Variants in USP46 observed in about 807,000 individuals in gnomAD.
USP46 encodes ubiquitin specific peptidase 46.
Under a neutral mutation model 44.4 loss-of-function variants are expected in USP46, and 12 were observed. The observed-to-expected ratio is 0.27, with a 90% CI of 0.17 to 0.44. The LOEUF is 0.44. Among genes scored for constraint, USP46 ranks in the 20% least tolerant of loss-of-function variants. The probability of loss-of-function intolerance (pLI) is 1.00; values close to 1 mark genes in which losing one functional copy is unlikely to be tolerated. For missense variants in USP46, 248 were observed against 444.8 expected (o/e 0.56, Z 3.98); for synonymous variants, 155 against 161.5 (o/e 0.96, Z 0.31).
intron 6 of USP46, among the ~76,000 whole-genome samples, 165 bp downstream of exon 6, chr4:52,604,336 C>T (rs1329819313): frequency 6.6e-6 from 1 of 152,178 alleles, no homozygotes; most frequent in African/African-American, 2.4e-5. Flanking sequence ...CCAAGGTCAG[C>T]GTTCTTATCC....
At position 52,604,483 on chromosome 4, in the gene USP46, A is replaced by G. The variant is rs1444895967; in HGVS notation, c.722+18T>C. ...TTCTCACCACACAAAGATAACCCTGAGCTAAATCTTTACCTACCTTTTCTG... is the reference window on the plus strand; with the variant it reads ...TTCTCACCACACAAAGATAACCCTGGGCTAAATCTTTACCTACCTTTTCTG... On this transcript the variant is annotated intron_variant, in intron 6 of 8. Coordinates refer to ENST00000441222, the MANE Select transcript of USP46 (RefSeq NM_022832.4). The G allele has an allele frequency of 6.2e-7, 1 of 1,605,630 alleles. No individual in the cohort carries two copies. Among genetic ancestry groups the G allele is most frequent in the East Asian group, 2.2e-5 (1 of 44,636 alleles).
At chr4:52,611,289 G>A (rs1488792684) in intron 4 of USP46, among the ~76,000 whole-genome samples, 3 of 152,164 alleles carry the variant, frequency 2.0e-5, no homozygotes, top group Admixed American at 6.5e-5. Context: ...GAGCCGGTTC[G>A]GTGGCCCCAG....
chr4:52,612,420 G>T (rs1426352798), intron 4 of USP46, among the ~76,000 whole-genome samples: 1 of 152,148 alleles, frequency 6.6e-6, no homozygotes, highest in Admixed American at 6.5e-5. Context: ...TGGCTTCACA[G>T]ATACTCTCAT....
In USP46 at chr4:52,595,060, TA is replaced by T. The variant is rs1716171785; in HGVS notation, c.*2579del. The T allele has an allele frequency of 6.6e-6, 1 of 152,524 alleles. No individual in the cohort carries two copies. The highest frequency in any genetic ancestry group is 1.5e-5 in the Non-Finnish European group (1 of 68,028). The allele number at this position is 152,524 out of a possible 1,614,324, so 9.4% of individuals were successfully genotyped here. A position where few individuals can be genotyped will look rare whatever the true frequency, so the allele number is the denominator to read the frequency against. ...TTTTTTTTTAAAGTGTAAAACATTG[TA>T]ACTTATTTTGTAACACCCAGCAGTT... is the stretch of plus-strand genomic sequence containing the variant. On this transcript the variant is annotated 3_prime_UTR_variant, in exon 9 of 9. Transcript: ENST00000441222.
At chr4:52,651,778 A>G (rs1718778182) in intron 1 of USP46, among the ~76,000 whole-genome samples, 1 of 152,188 alleles carries the variant, frequency 6.6e-6, no homozygotes, top group Non-Finnish European at 1.5e-5. Flanking sequence ...ACTAAAGCCA[A>G]TGTCAATTAA....
Position 52,593,794 on chromosome 4 carries a change from A to G in USP46, c.*3846T>C, listed in dbSNP as rs1364594693. 2.0e-5 allele frequency: 3 copies of G among 152,258 alleles called. No homozygotes were observed. Among genetic ancestry groups the G allele is most frequent in the African/African-American group, 7.2e-5 (3 of 41,478 alleles). The allele number at this position is 152,258 out of a possible 1,614,324, so 9.4% of individuals were successfully genotyped here. A position where few individuals can be genotyped will look rare whatever the true frequency, so the allele number is the denominator to read the frequency against. On this transcript the variant is annotated 3_prime_UTR_variant, in exon 9 of 9. Transcript: ENST00000441222. ...ATTTGGGGAATGGATCTTTCATTTC[A>G]TAACTGGTTAAAAGGATTTTATATG...
At chr4:52,626,750 A>C (rs761166622) in intron 3 of USP46, among the ~76,000 whole-genome samples, 9 of 152,178 alleles carry the variant, frequency 5.9e-5, no homozygotes, top group Non-Finnish European at 1.3e-4. Context: ...TCTGCCATGC[A>C]CCAAGAACAA....
chr4:52,657,316 G>A (rs554773936), intron 1 of USP46, among the ~76,000 whole-genome samples: 59 of 151,880 alleles, frequency 3.9e-4, no homozygotes, highest in African/African-American at 1.4e-3. Flanking sequence ...ACTGAAACAC[G>A]TTGTGACATT....
intron 1 of USP46, among the ~76,000 whole-genome samples, chr4:52,653,045 C>T (rs970189294): frequency 2.0e-5 from 3 of 152,104 alleles, no homozygotes; most frequent in Non-Finnish European, 4.4e-5. Flanking sequence ...GTCCCATCAC[C>T]ATGATCTTAA....
intron 8 of USP46, 66 bp downstream of exon 8, chr4:52,598,562 T>C (rs759972227): frequency 2.7e-6 from 4 of 1,464,234 alleles, no homozygotes; most frequent in South Asian, 2.4e-5. Context: ...AAAATGTCTA[T>C]ACATACACAT....
chr4:52,623,074 G>A (rs1352623752), intron 4 of USP46, among the ~76,000 whole-genome samples: 1 of 152,170 alleles, frequency 6.6e-6, no homozygotes, highest in Non-Finnish European at 1.5e-5. Context: ...TACTACAGTA[G>A]TTTAGTTGAG....
chr4:52,609,691 A>G (rs1004088526), intron 5 of USP46, among the ~76,000 whole-genome samples: 3 of 151,886 alleles, frequency 2.0e-5, no homozygotes, highest in Non-Finnish European at 2.9e-5. Context: ...GGGGATGGGG[A>G]GGCACTTCAG....
At chr4:52,654,413 C>A (rs542714088) in intron 1 of USP46, among the ~76,000 whole-genome samples, 1 of 152,326 alleles carries the variant, frequency 6.6e-6, no homozygotes, top group East Asian at 1.9e-4. Flanking sequence ...CAACCATTCT[C>A]AAAATACTTG....
intron 1 of USP46, among the ~76,000 whole-genome samples, chr4:52,642,887 T>C (rs1283046019): frequency 6.6e-6 from 1 of 152,156 alleles, no homozygotes; most frequent in Non-Finnish European, 1.5e-5. Context: ...CTTTACTAAA[T>C]ACTTGGATAG....
chr4:52,659,251 C>T lies in USP46; in HGVS notation c.-101G>A. The T allele has an allele frequency of 3.4e-6, 4 of 1,178,880 alleles. No individual in the cohort carries two copies. The highest frequency in any genetic ancestry group is 1.7e-5 in the South Asian group (1 of 57,978). 73.0% of individuals were successfully genotyped at this position (1,178,880 alleles called of 1,614,324 possible). A position where few individuals can be genotyped will look rare whatever the true frequency, so the allele number is the denominator to read the frequency against. On this transcript the variant is annotated 5_prime_UTR_variant, in exon 1 of 9. Coordinates refer to ENST00000441222, the MANE Select transcript of USP46 (RefSeq NM_022832.4). This position sits in a 1 kb window ranked among gnomAD's most constrained non-coding sequence, Gnocchi z 4.2. ...GCGGGGAGGCCGGGCGGCAGCGCGG[C>T]GGCCTGGGGTCCGGCTTTCAGTTTG... is the stretch of plus-strand genomic sequence containing the variant.
At chr4:52,610,399 C>T in intron 5 of USP46, 142 bp downstream of exon 5, 2 of 728,624 alleles carry the variant, frequency 2.7e-6, no homozygotes. Context: ...CATAATCGCT[C>T]TTGGGAAAGG....
intron 1 of USP46, among the ~76,000 whole-genome samples, chr4:52,653,411 A>G (rs1258060935): frequency 6.7e-6 from 1 of 149,748 alleles, no homozygotes; most frequent in Non-Finnish European, 1.5e-5. Context: ...AGATTGAGGC[A>G]GGAGAATCAC....
intron 1 of USP46, among the ~76,000 whole-genome samples, chr4:52,631,687 G>A (rs536242839): frequency 1.4e-4 from 22 of 152,342 alleles, no homozygotes; most frequent in African/African-American, 5.1e-4. Flanking sequence ...GAAAGGAAAA[G>A]TGTGTTGGAG....
chr4:52,604,697 A>T (rs1041838286), intron 5 of USP46, 113 bp from the exon 6 acceptor site: 4 of 696,550 alleles, frequency 5.7e-6, no homozygotes, highest in Admixed American at 3.8e-5. Context: ...ATGGAAGAAG[A>T]AGTAATCAGA....
Sources: gnomAD v4.1 joint callset for allele counts (sites outside exome capture counted in the v4.1 genomes callset) on GRCh38, gnomAD v4.1.1 for gene constraint, Gnocchi (gnomAD v3.1) non-coding constraint, MANE v1.5 for transcripts, NCBI Gene and HGNC (gene_info 2026-07-23, HGNC 2026-07-21) for gene names.